The following MARCHF11 variants were observed in gnomAD, a reference collection of about 807,000 sequenced individuals.
MARCHF11 encodes the protein E3 ubiquitin-protein ligase MARCHF11.
In MARCHF11, 29 loss-of-function variants were observed where a neutral mutation model predicts 37.3. That is an observed-to-expected ratio of 0.78 (90% CI 0.58 to 1.06). The LOEUF (loss-of-function observed/expected upper bound fraction) is 1.06, where lower values mean the gene tolerates loss of function less well. MARCHF11 is among the 50% of genes least tolerant of loss of function. The pLI, the probability that MARCHF11 is intolerant of heterozygous loss-of-function variation, is 0.00. For missense variants in MARCHF11, 482 were observed against 533.4 expected (o/e 0.90, Z 0.95); for synonymous variants, 233 against 228.0 (o/e 1.02, Z -0.20).
At chr5:16,156,502 T>C (rs987290026) in intron 2 of MARCHF11, among the ~76,000 whole-genome samples, 2 of 151,938 alleles carry the variant, frequency 1.3e-5, no homozygotes, top group African/African-American at 4.8e-5. Context: ...TAGGAAATGA[T>C]TCAATGAATA....
intron 2 of MARCHF11, among the ~76,000 whole-genome samples, chr5:16,093,310 G>C (rs776101629): frequency 6.6e-6 from 1 of 152,134 alleles, no homozygotes; most frequent in Non-Finnish European, 1.5e-5. Context: ...AATCTTAGGG[G>C]AGTAAATTTG....
intron 2 of MARCHF11, among the ~76,000 whole-genome samples, chr5:16,099,245 T>C (rs1025326244): frequency 6.6e-6 from 1 of 152,200 alleles, no homozygotes; most frequent in African/African-American, 2.4e-5. Context: ...ATTTGGGTTA[T>C]GACAACTATG....
In MARCHF11 at chr5:16,125,938, G is replaced by T. The variant is rs73044657; in HGVS notation, c.694-34857C>A. 8.4e-3 allele frequency among the ~76,000 whole-genome samples: 1,284 copies of T among 152,254 alleles called. 24 individuals are homozygous for T. The highest frequency in any genetic ancestry group is 0.029 in the African/African-American group (1,209 of 41,558). On this transcript the variant is annotated intron_variant, in intron 2 of 3. Transcript: ENST00000332432. Reference sequence around the variant, plus strand: ...TTTGCCTGAAATCTGTAGATACTACGTCAATGTAATGAGAATTTCCTCATT... The same window carrying T: ...TTTGCCTGAAATCTGTAGATACTACTTCAATGTAATGAGAATTTCCTCATT...
chr5:16,095,112 G>GT (rs545060123), intron 2 of MARCHF11, among the ~76,000 whole-genome samples: 165 of 152,160 alleles, frequency 1.1e-3, no homozygotes, highest in African/African-American at 3.7e-3. Context: ...AAGAGCTTTG[G>GT]TAACAATTAA....
At chr5:16,089,664 ATGAC>A (rs1471166982) in intron 3 of MARCHF11, among the ~76,000 whole-genome samples, 1 of 152,144 alleles carries the variant, frequency 6.6e-6, no homozygotes, top group East Asian at 1.9e-4. Context: ...TTTAGAAAAA[ATGAC>A]TGAATATATT....
At chr5:16,148,159 A>G (rs1737828836) in intron 2 of MARCHF11, among the ~76,000 whole-genome samples, 1 of 152,160 alleles carries the variant, frequency 6.6e-6, no homozygotes, top group African/African-American at 2.4e-5. Context: ...CATTTAATAA[A>G]TGATCGGAGG....
At position 16,084,010 on chromosome 5, in the gene MARCHF11, A is replaced by G. The variant is rs1230430097; in HGVS notation, c.886+6879T>C. Among the ~76,000 whole-genome samples the G allele has an allele frequency of 2.0e-5, 3 of 152,214 alleles. 1 individual carries two copies. The highest frequency in any genetic ancestry group is 2.0e-4 in the Admixed American group (3 of 15,286). On this transcript the variant is annotated intron_variant, in intron 3 of 3. Coordinates refer to ENST00000332432, the MANE Select transcript of MARCHF11 (RefSeq NM_001102562.3). ...CAAAATTCTTCACCTTTATTCATAC[A>G]ACACAGAGTTAGTAAATGTATATTT...
chr5:16,158,808 C>T (rs1020434759), intron 2 of MARCHF11, among the ~76,000 whole-genome samples: 1 of 151,862 alleles, frequency 6.6e-6, no homozygotes, highest in Non-Finnish European at 1.5e-5. Flanking sequence ...AACCCATCAC[C>T]TAGATATTAA....
At chr5:16,083,015 G>T (rs1207782974) in intron 3 of MARCHF11, among the ~76,000 whole-genome samples, 2 of 152,182 alleles carry the variant, frequency 1.3e-5, no homozygotes, top group South Asian at 2.1e-4. Context: ...CAGATTCCAG[G>T]CTTGGTAATG....
At chr5:16,124,859 C>T (rs1447320066) in intron 2 of MARCHF11, among the ~76,000 whole-genome samples, 1 of 151,272 alleles carries the variant, frequency 6.6e-6, no homozygotes, top group Non-Finnish European at 1.5e-5. Flanking sequence ...CACTTAGGGG[C>T]AAGATTCATA....
chr5:16,161,778 G>A (rs941432630), intron 2 of MARCHF11, among the ~76,000 whole-genome samples: 2 of 151,908 alleles, frequency 1.3e-5, no homozygotes, highest in Non-Finnish European at 2.9e-5. Flanking sequence ...CAGTGGCCAA[G>A]TCATGTACAA....
chr5:16,092,692 A>G (rs1012598546), intron 2 of MARCHF11, among the ~76,000 whole-genome samples: 3 of 152,168 alleles, frequency 2.0e-5, no homozygotes, highest in African/African-American at 7.2e-5. Flanking sequence ...ATGTATACCT[A>G]TGTAACAATC....
chr5:16,084,788 G>C (rs1214270062), intron 3 of MARCHF11, among the ~76,000 whole-genome samples: 1 of 150,196 alleles, frequency 6.7e-6, no homozygotes, highest in Non-Finnish European at 1.5e-5. Flanking sequence ...AATATAACTG[G>C]TACAATAAGA....
intron 1 of MARCHF11, 35 bp downstream of exon 1, chr5:16,179,004 G>A (rs1407310377): frequency 1.4e-6 from 2 of 1,397,068 alleles, no homozygotes; most frequent in East Asian, 3.1e-5. Context: ...AGCTGGAGCC[G>A]CCACCGGCTG....
chr5:16,131,641 G>A (rs1167977200), intron 2 of MARCHF11, among the ~76,000 whole-genome samples: 5 of 152,136 alleles, frequency 3.3e-5, no homozygotes, highest in East Asian at 1.9e-4. Context: ...TAAATGAGCC[G>A]CTCAGCCCCT....
intron 2 of MARCHF11, among the ~76,000 whole-genome samples, chr5:16,133,751 T>C (rs888229045): frequency 1.2e-4 from 18 of 152,068 alleles, no homozygotes; most frequent in Admixed American, 1.1e-3. Context: ...GGAAGAAGAA[T>C]TGTCTTGGAC....
intron 2 of MARCHF11, among the ~76,000 whole-genome samples, chr5:16,167,733 T>G (rs759844689): frequency 3.3e-5 from 5 of 152,118 alleles, no homozygotes; most frequent in Non-Finnish European, 5.9e-5. Context: ...TTGTATTTAT[T>G]TGCTCACTTG....
chr5:16,086,364 C>CT (rs1736698103), intron 3 of MARCHF11, among the ~76,000 whole-genome samples: 1 of 152,060 alleles, frequency 6.6e-6, no homozygotes, highest in Non-Finnish European at 1.5e-5. Flanking sequence ...GTTAAGTGGT[C>CT]TTTTTTTAAC....
At chr5:16,120,215 G>A (rs1482183584) in intron 2 of MARCHF11, among the ~76,000 whole-genome samples, 2 of 152,230 alleles carry the variant, frequency 1.3e-5, no homozygotes, top group Non-Finnish European at 2.9e-5. Context: ...GGCTCTAAGT[G>A]CTGAGAACAT....
Sources: allele counts gnomAD v4.1 joint callset (sites outside exome capture counted in the v4.1 genomes callset), GRCh38; gene constraint gnomAD v4.1.1; transcripts MANE v1.5; gene names NCBI Gene and HGNC (gene_info 2026-07-23, HGNC 2026-07-21).